The following ZNF423 variants were observed in gnomAD, a reference collection of about 807,000 sequenced individuals.
ZNF423 encodes the protein zinc finger protein 423.
Under a neutral mutation model 95.8 loss-of-function variants are expected in ZNF423, and 12 were observed. The ratio of observed to expected loss-of-function variants is 0.13; its 90% CI spans 0.08 to 0.20. The LOEUF (loss-of-function observed/expected upper bound fraction) is 0.20. Ranked by LOEUF, ZNF423 falls within the 10% of genes least tolerant of loss-of-function variation. ZNF423 has a pLI of 1.00. For missense variants in ZNF423, 1,316 were observed against 1,737.1 expected, an observed-to-expected ratio of 0.76 and a Z score of 4.31; for synonymous variants, 749 against 711.9, an observed-to-expected ratio of 1.05 and a Z score of -0.83.
chr16:49,737,440 T>A (rs545566252), intron 2 of ZNF423, among the ~76,000 whole-genome samples: 1 of 152,288 alleles, frequency 6.6e-6, no homozygotes, highest in Non-Finnish European at 1.5e-5. Flanking sequence ...TGGCTAATTT[T>A]CATATTTTTA....
At chr16:49,834,969 C>T (rs1048847745) in intron 1 of ZNF423, among the ~76,000 whole-genome samples, 2 of 151,706 alleles carry the variant, frequency 1.3e-5, no homozygotes, top group Non-Finnish European at 1.5e-5. Flanking sequence ...AAAGCAAAAC[C>T]ATGTGTGCAG....
intron 5 of ZNF423, among the ~76,000 whole-genome samples, chr16:49,526,414 G>A (rs371831219): frequency 8.5e-5 from 13 of 152,250 alleles, no homozygotes; most frequent in African/African-American, 2.6e-4. Context: ...ACCCAAAGGC[G>A]CCGGGGGACA....
chr16:49,750,204 G>A (rs2033608055), intron 2 of ZNF423, among the ~76,000 whole-genome samples: 1 of 152,156 alleles, frequency 6.6e-6, no homozygotes, highest in Non-Finnish European at 1.5e-5. Flanking sequence ...TCCTACTCTG[G>A]GAATTCTCAG....
intron 5 of ZNF423, among the ~76,000 whole-genome samples, chr16:49,625,224 G>A (rs1368535232): frequency 1.3e-5 from 2 of 152,176 alleles, no homozygotes; most frequent in Non-Finnish European, 2.9e-5. Flanking sequence ...GCAGTGGCAG[G>A]TGCCTGTAAT....
At chr16:49,583,644 G>A (rs954577877) in intron 5 of ZNF423, among the ~76,000 whole-genome samples, 9 of 152,000 alleles carry the variant, frequency 5.9e-5, no homozygotes, top group East Asian at 1.9e-4. Context: ...CTTATATGTC[G>A]TCAAGCTCAA....
chr16:49,682,147 C>T (rs1356597722), intron 3 of ZNF423, among the ~76,000 whole-genome samples: 2 of 152,068 alleles, frequency 1.3e-5, no homozygotes, highest in African/African-American at 4.8e-5. Context: ...AGCACTCGGC[C>T]AGTTTCCTCT....
intron 1 of ZNF423, among the ~76,000 whole-genome samples, chr16:49,822,235 G>A (rs1274096694): frequency 2.0e-5 from 3 of 150,804 alleles, no homozygotes; most frequent in East Asian, 1.9e-4. Context: ...GTGCAGTGGC[G>A]TGATTTCAGC....
At chr16:49,831,631 G>A (rs2035061883) in intron 1 of ZNF423, among the ~76,000 whole-genome samples, 1 of 152,178 alleles carries the variant, frequency 6.6e-6, no homozygotes, top group African/African-American at 2.4e-5. Context: ...GGATCAACAG[G>A]AGCTGTTCTC....
At chr16:49,532,003 G>A (rs1053464649) in intron 5 of ZNF423, among the ~76,000 whole-genome samples, 2 of 152,228 alleles carry the variant, frequency 1.3e-5, no homozygotes, top group South Asian at 2.1e-4. Flanking sequence ...GCTTAGGGAC[G>A]CTGATATTGT....
chr16:49,813,047 G>C (rs1241732012), intron 1 of ZNF423, among the ~76,000 whole-genome samples: 1 of 152,150 alleles, frequency 6.6e-6, no homozygotes, highest in African/African-American at 2.4e-5. Context: ...TTGGGGTGCT[G>C]CATTTTTGCC....
intron 3 of ZNF423, chr16:49,711,459 C>T (rs1299200128): frequency 6.6e-6 from 1 of 152,162 alleles, no homozygotes; most frequent in Admixed American, 6.5e-5. Flanking sequence ...ATGATAGATC[C>T]AATATGGTAT....
At chr16:49,546,696 C>T (rs141298068) in intron 5 of ZNF423, among the ~76,000 whole-genome samples, 254 of 152,294 alleles carry the variant, frequency 1.7e-3, no homozygotes, top group African/African-American at 5.4e-3. Flanking sequence ...CAGAATTAAA[C>T]GCCAAGGCTG....
At chr16:49,807,456 A>G (rs1388986546) in intron 1 of ZNF423, among the ~76,000 whole-genome samples, 1 of 152,122 alleles carries the variant, frequency 6.6e-6, no homozygotes, top group East Asian at 1.9e-4. Flanking sequence ...ATACAAAATA[A>G]AAGCCCAAAC....
rs56672430 is a variant in ZNF423, at chr16:49,497,667, C to T, written c.3850-6363G>A. Among the ~76,000 whole-genome samples the T allele has an allele frequency of 6.0e-3, 912 of 152,308 alleles. 11 individuals are homozygous for T. Among genetic ancestry groups the T allele is most frequent in the African/African-American group, 0.02 (846 of 41,564 alleles). On this transcript the variant is annotated intron_variant, in intron 7 of 7. Coordinates refer to ENST00000563137, the MANE Select transcript of ZNF423 (RefSeq NM_001379286.1). ...CTGCCCACCACTGGCCACTCCCTGG[C>T]AGGTTCCAGCCACAGTGGCTCTCAC...
At chr16:49,594,678 C>T (rs776610043) in intron 5 of ZNF423, among the ~76,000 whole-genome samples, 3 of 152,172 alleles carry the variant, frequency 2.0e-5, no homozygotes, top group Non-Finnish European at 4.4e-5. Context: ...CCCAAAAAAA[C>T]ACCCACAGGC....
chr16:49,517,301 C>T (rs1935596415), intron 7 of ZNF423, among the ~76,000 whole-genome samples: 1 of 152,228 alleles, frequency 6.6e-6, no homozygotes, highest in South Asian at 2.1e-4. Flanking sequence ...AGGACCAAAA[C>T]CCCTGTTCTG....
chr16:49,693,851 C>T (rs1187394589), intron 3 of ZNF423, among the ~76,000 whole-genome samples: 5 of 152,296 alleles, frequency 3.3e-5, no homozygotes, highest in South Asian at 4.1e-4. Flanking sequence ...CCTAAGGATC[C>T]GGCCAGGCCT....
chr16:49,604,670 G>C (rs560497461), intron 5 of ZNF423, among the ~76,000 whole-genome samples: 18 of 152,220 alleles, frequency 1.2e-4, no homozygotes, highest in African/African-American at 4.1e-4. Flanking sequence ...TGCTCCCTCT[G>C]CCCCTGTCCC....
chr16:49,744,068 C>T (rs1196742054), intron 2 of ZNF423, among the ~76,000 whole-genome samples: 6 of 152,134 alleles, frequency 3.9e-5, no homozygotes, highest in Non-Finnish European at 8.8e-5. Flanking sequence ...AAGCAGCTGG[C>T]TCCTCCAGGA....
Sources: gnomAD v4.1 joint callset for allele counts (sites outside exome capture counted in the v4.1 genomes callset) on GRCh38, gnomAD v4.1.1 for gene constraint, MANE v1.5 for transcripts, NCBI Gene and HGNC (gene_info 2026-07-23, HGNC 2026-07-21) for gene names.